Variants in TAFA5 observed in about 807,000 individuals in gnomAD.
The protein encoded by TAFA5 is TAFA chemokine like family member 5.
TAFA5 carries 6 observed loss-of-function variants against 15.3 expected under a neutral mutation model. The observed-to-expected ratio is 0.39, with a 90% confidence interval of 0.21 to 0.77. The LOEUF (loss-of-function observed/expected upper bound fraction) is 0.77. TAFA5 is among the 30% of genes least tolerant of loss of function. TAFA5 has a pLI of 0.41. For missense variants in TAFA5, 161 were observed against 193.1 expected, an observed-to-expected ratio of 0.83 and a Z score of 0.98; for synonymous variants, 103 against 80.7, an observed-to-expected ratio of 1.28 and a Z score of -1.48.
intron 2 of TAFA5, among the ~76,000 whole-genome samples, chr22:48,666,272 G>A (rs113017994): frequency 2.6e-5 from 4 of 152,292 alleles, no homozygotes; most frequent in East Asian, 1.9e-4. Flanking sequence ...TATCCCAGCC[G>A]AGAAATGAGC....
chr22:48,615,419 C>T (rs1384483775), intron 1 of TAFA5, among the ~76,000 whole-genome samples: 6 of 152,208 alleles, frequency 3.9e-5, no homozygotes, highest in African/African-American at 4.8e-5. Flanking sequence ...TGGCAGCAGG[C>T]GTGGCCGAGG....
intron 1 of TAFA5, among the ~76,000 whole-genome samples, chr22:48,520,619 G>A (rs1019791800): frequency 2.8e-4 from 43 of 152,302 alleles, no homozygotes; most frequent in African/African-American, 9.6e-4. Context: ...GGTCCTAGAC[G>A]GATGTGAGGG....
intron 1 of TAFA5, among the ~76,000 whole-genome samples, chr22:48,614,243 T>C (rs1391818179): frequency 6.6e-6 from 1 of 152,150 alleles, no homozygotes; most frequent in Non-Finnish European, 1.5e-5. Context: ...AAAATTGTCA[T>C]AGATACAAAA....
chr22:48,508,371 C>T (rs1921086096), intron 1 of TAFA5, among the ~76,000 whole-genome samples: 1 of 152,234 alleles, frequency 6.6e-6, no homozygotes. Context: ...CCCCAGGTCA[C>T]AGCTCCCGGC....
At chr22:48,694,535 TCCTGAGC>T (rs371961679) in intron 2 of TAFA5, among the ~76,000 whole-genome samples, 49 of 152,198 alleles carry the variant, frequency 3.2e-4, no homozygotes, top group African/African-American at 1.2e-3. Flanking sequence ...GTTTGCCTTT[TCCTGAGC>T]CCTGAGCCCA....
intron 1 of TAFA5, among the ~76,000 whole-genome samples, chr22:48,594,605 G>T (rs935753561): frequency 2.0e-5 from 3 of 152,206 alleles, no homozygotes; most frequent in African/African-American, 7.2e-5. Flanking sequence ...TCATGCTCCC[G>T]TCGGCTGCCA....
chr22:48,662,881 T>C (rs1205265334), intron 2 of TAFA5, among the ~76,000 whole-genome samples: 1 of 152,198 alleles, frequency 6.6e-6, no homozygotes, highest in Admixed American at 6.5e-5. Flanking sequence ...TTGCCCTCCC[T>C]ATGAGGCTGC....
At chr22:48,686,073 T>A (rs1049291091) in intron 2 of TAFA5, among the ~76,000 whole-genome samples, 1 of 151,430 alleles carries the variant, frequency 6.6e-6, no homozygotes, top group Non-Finnish European at 1.5e-5. Flanking sequence ...GGGTGCTGAG[T>A]GGGGTCAGCA....
chr22:48,675,194 G>T (rs530488964), intron 2 of TAFA5, among the ~76,000 whole-genome samples: 3 of 152,146 alleles, frequency 2.0e-5, no homozygotes, highest in Non-Finnish European at 4.4e-5. Context: ...CACCCACCTC[G>T]GCCTCCGAAG....
intron 3 of TAFA5, among the ~76,000 whole-genome samples, chr22:48,720,339 C>G (rs1017843093): frequency 4.6e-5 from 7 of 152,130 alleles, no homozygotes; most frequent in Non-Finnish European, 1.0e-4. Flanking sequence ...GTTTTGGTGC[C>G]AAGTCAGAGA....
intron 1 of TAFA5, among the ~76,000 whole-genome samples, chr22:48,527,038 T>A (rs1369898595): frequency 6.6e-6 from 1 of 152,250 alleles, no homozygotes; most frequent in African/African-American, 2.4e-5. Context: ...TTTCCATTTA[T>A]TGAAAGTCAG....
At chr22:48,633,494 GTGTC>G (rs59459070) in intron 1 of TAFA5, among the ~76,000 whole-genome samples, 1,452 of 111,174 alleles carry the variant, frequency 0.013, 19 homozygotes, top group Admixed American at 0.018. Context: ...GCTTTGCTCT[GTGTC>G]TGTCTGTCTG....
Position 48,530,462 on chromosome 22 carries a change from A to G in TAFA5, c.112+40758A>G, listed in dbSNP as rs1395154810. Reference sequence around the variant, plus strand: ...TTCGAGTCTTGGCTGACCACTGGATACTCTGGCCAGGGACCTTGGGATGGT... The same window carrying G: ...TTCGAGTCTTGGCTGACCACTGGATGCTCTGGCCAGGGACCTTGGGATGGT... On this transcript the variant is annotated intron_variant, in intron 1 of 3. Transcript: ENST00000402357. The surrounding 1 kb of genome is among the most constrained non-coding windows in gnomAD (Gnocchi z 6.0). Among the ~76,000 whole-genome samples the G allele has an allele frequency of 6.6e-6, 1 of 152,048 alleles. No homozygotes were observed. The highest frequency in any genetic ancestry group is 1.5e-5 in the Non-Finnish European group (1 of 68,004).
In TAFA5 at chr22:48,506,700, G is replaced by A. The variant is rs1306599127; in HGVS notation, c.112+16996G>A. 3.3e-5 allele frequency among the ~76,000 whole-genome samples: 5 copies of A among 152,176 alleles called. No individual in the cohort carries two copies. In the East Asian group the frequency reaches 7.7e-4, roughly 24 times the overall value. Reference sequence around the variant, plus strand: ...GAAGAGGGACCTCAGGGCCTGGGACGCCACTGCGCTCAGGGCACACGGCAA... The same window carrying A: ...GAAGAGGGACCTCAGGGCCTGGGACACCACTGCGCTCAGGGCACACGGCAA... On this transcript the variant is annotated intron_variant, in intron 1 of 3. Transcript: ENST00000402357.
chr22:48,596,642 C>T (rs1008941734), intron 1 of TAFA5, among the ~76,000 whole-genome samples: 5 of 152,014 alleles, frequency 3.3e-5, no homozygotes, highest in African/African-American at 7.2e-5. Flanking sequence ...GACATTGACA[C>T]GCTGTTATTA....
intron 1 of TAFA5, among the ~76,000 whole-genome samples, chr22:48,532,896 TC>T (rs1341726876): frequency 6.6e-6 from 1 of 152,136 alleles, no homozygotes; most frequent in Non-Finnish European, 1.5e-5. Context: ...AACAGGGAGA[TC>T]ATATCTTCTC....
chr22:48,728,416 A>C (rs1929769182), intron 3 of TAFA5, among the ~76,000 whole-genome samples: 1 of 152,224 alleles, frequency 6.6e-6, no homozygotes, highest in Non-Finnish European at 1.5e-5. Flanking sequence ...CAACTGCCAG[A>C]TGGTTAACTT....
At chr22:48,677,760 G>A (rs1412566725) in intron 2 of TAFA5, among the ~76,000 whole-genome samples, 2 of 152,170 alleles carry the variant, frequency 1.3e-5, no homozygotes, top group African/African-American at 2.4e-5. Flanking sequence ...GGAGAGTCAG[G>A]TCGGGCGGGC....
At chr22:48,745,306 T>G (rs1031727795) in intron 3 of TAFA5, among the ~76,000 whole-genome samples, 9 of 145,438 alleles carry the variant, frequency 6.2e-5, no homozygotes, top group Admixed American at 3.4e-4. Flanking sequence ...AGCTTTGTCG[T>G]CGGCGGCTGG....
Sources: gnomAD v4.1 joint callset for allele counts (sites outside exome capture counted in the v4.1 genomes callset) on GRCh38, gnomAD v4.1.1 for gene constraint, Gnocchi (gnomAD v3.1) non-coding constraint, MANE v1.5 for transcripts, NCBI Gene and HGNC (gene_info 2026-07-23, HGNC 2026-07-21) for gene names.